ARHGAP35: variants seen among roughly 807,000 people sequenced by gnomAD.
ARHGAP35 encodes Rho GTPase activating protein 35.
Under a neutral mutation model 111.1 loss-of-function variants are expected in ARHGAP35, and 15 were observed. The observed-to-expected ratio is 0.13, with a 90% CI of 0.09 to 0.21. The LOEUF (loss-of-function observed/expected upper bound fraction) is 0.21, where lower values mean the gene tolerates loss of function less well. Ranked by LOEUF, ARHGAP35 falls within the 10% of genes least tolerant of loss-of-function variation. The pLI is 1.00. For missense variants in ARHGAP35, 1,262 were observed against 1,873.0 expected, an observed-to-expected ratio of 0.67 and a Z score of 6.02; for synonymous variants, 643 against 710.3, an observed-to-expected ratio of 0.91 and a Z score of 1.51.
chr19:46,977,033 G>A lies in ARHGAP35; in HGVS notation c.3827-10956G>A, dbSNP rs570791298. 5.9e-5 allele frequency among the ~76,000 whole-genome samples: 9 copies of A among 152,234 alleles called. No homozygotes were observed. In the South Asian group the frequency reaches 6.2e-4, roughly 11 times the overall value. The stretch of plus-strand genomic sequence containing the variant: ...CAGATGAACTAACCTCTTCTCCTCC[G>A]TGTTACACTCACTGTAAAAACATCT... On this transcript the variant is annotated intron_variant, in intron 3 of 6. Coordinates refer to ENST00000672722, the MANE Select transcript of ARHGAP35 (RefSeq NM_004491.5).
At chr19:46,870,019 T>C (rs1009504358) in intron 1 of ARHGAP35, among the ~76,000 whole-genome samples, 1 of 147,306 alleles carries the variant, frequency 6.8e-6, no homozygotes, top group African/African-American at 2.5e-5. Flanking sequence ...CCATCTCGAC[T>C]CACTGCAAGC....
chr19:46,989,472 G>A lies in ARHGAP35; in HGVS notation c.3905-72G>A, dbSNP rs909973490. 6.3e-7 allele frequency: 1 copy of A among 1,590,618 alleles called. No individual in the cohort carries two copies. Among genetic ancestry groups the A allele is most frequent in the African/African-American group, 1.3e-5 (1 of 74,112 alleles). On this transcript the variant is annotated intron_variant, in intron 4 of 6. Transcript: ENST00000672722. The surrounding 1 kb of genome is among the most constrained non-coding windows in gnomAD (Gnocchi z 5.3). Reference sequence around the variant, plus strand: ...CCTTGAGGTTTCTCTAGCCTCTCCTGAGCCCCGAGTTGTCCTGATGCTTCT... The same window carrying A: ...CCTTGAGGTTTCTCTAGCCTCTCCTAAGCCCCGAGTTGTCCTGATGCTTCT...
intron 2 of ARHGAP35, 94 bp from the exon 3 acceptor site, chr19:46,937,170 T>C: frequency 7.0e-7 from 1 of 1,429,494 alleles, no homozygotes; most frequent in Non-Finnish European, 9.6e-7. Flanking sequence ...GCAGTTTTTA[T>C]ACCACTGCTT....
At chr19:46,896,978 C>T (rs1341278948) in intron 1 of ARHGAP35, among the ~76,000 whole-genome samples, 1 of 152,136 alleles carries the variant, frequency 6.6e-6, no homozygotes, top group Non-Finnish European at 1.5e-5. Flanking sequence ...ACTGCAACCT[C>T]CGCCTCCCAG....
In ARHGAP35 at chr19:46,994,270, G is replaced by A. The variant is rs542652664; in HGVS notation, c.4036+4595G>A. On this transcript the variant is annotated intron_variant, in intron 5 of 6. Transcript: ENST00000672722. This position sits in a 1 kb window ranked among gnomAD's most constrained non-coding sequence, Gnocchi z 5.4. ...GGCCAGTGTAGACACCTGGCCGGGCGGGCTACCTATTGAAGCTGGGGGTCC... is the reference window on the plus strand; with the variant it reads ...GGCCAGTGTAGACACCTGGCCGGGCAGGCTACCTATTGAAGCTGGGGGTCC... Among the ~76,000 whole-genome samples the A allele has an allele frequency of 6.6e-5, 10 of 152,248 alleles. No individual in the cohort carries two copies. In the East Asian group the frequency reaches 1.5e-3, roughly 24 times the overall value.
At chr19:46,998,868 C>T (rs1599875706) in intron 5 of ARHGAP35, among the ~76,000 whole-genome samples, 1 of 152,260 alleles carries the variant, frequency 6.6e-6, no homozygotes, top group South Asian at 2.1e-4. Flanking sequence ...GTCTCATGAC[C>T]GACTGACTCC....
rs1331053960 is a variant in ARHGAP35, at chr19:47,001,718, A to C, written c.*1030A>C. 1 of 311,464 alleles carries C rather than the reference A, an allele frequency of 3.2e-6. No individual in the cohort carries two copies. The highest frequency in any genetic ancestry group is 6.3e-6 in the Non-Finnish European group (1 of 158,982). The allele number at this position is 311,464 out of a possible 1,614,324, so 19.3% of individuals were successfully genotyped here. A position where few individuals can be genotyped will look rare whatever the true frequency, so the allele number is the denominator to read the frequency against. On this transcript the variant is annotated 3_prime_UTR_variant, in exon 7 of 7. Coordinates refer to ENST00000672722, the MANE Select transcript of ARHGAP35 (RefSeq NM_004491.5). The surrounding 1 kb of genome is among the most constrained non-coding windows in gnomAD (Gnocchi z 5.4). ...TCCATTACGATAGAAACACTAATTGAGCATGTGCGTGGGGTGGGGGTGTGT... is the reference window on the plus strand; with the variant it reads ...TCCATTACGATAGAAACACTAATTGCGCATGTGCGTGGGGTGGGGGTGTGT...
chr19:46,994,853 C>T lies in ARHGAP35; in HGVS notation c.4037-4451C>T, dbSNP rs981029301. Reference sequence around the variant, plus strand: ...AAATGACCCAAGGAGGAGGGGCCTCCCAAATCCGAGAATGAAAGAATTCGC... The same window carrying T: ...AAATGACCCAAGGAGGAGGGGCCTCTCAAATCCGAGAATGAAAGAATTCGC... On this transcript the variant is annotated intron_variant, in intron 5 of 6. Transcript: ENST00000672722. The surrounding 1 kb of genome is among the most constrained non-coding windows in gnomAD (Gnocchi z 5.4). Among the ~76,000 whole-genome samples, 1 of 152,182 alleles carries T rather than the reference C, an allele frequency of 6.6e-6. No individual in the cohort carries two copies. Among genetic ancestry groups the T allele is most frequent in the Non-Finnish European group, 1.5e-5 (1 of 68,024 alleles).
chr19:46,942,856 A>G (rs1261202158), intron 3 of ARHGAP35, among the ~76,000 whole-genome samples: 1 of 151,048 alleles, frequency 6.6e-6, no homozygotes, highest in Non-Finnish European at 1.5e-5. Flanking sequence ...AAAAATTACC[A>G]TTAATTCAGT....
In ARHGAP35 at chr19:46,961,887, G is replaced by A. The variant is rs566438249; in HGVS notation, c.3826+24479G>A. On this transcript the variant is annotated intron_variant, in intron 3 of 6. Transcript: ENST00000672722. ...AGAAGTTGCAGTGAGCCGAGATTGC[G>A]CCACTGCCCTCCAGCCTGTGTGACA... Among the ~76,000 whole-genome samples, 249 of 152,144 alleles carry A rather than the reference G, an allele frequency of 1.6e-3. 1 individual carries two copies. The highest frequency in any genetic ancestry group is 5.3e-3 in the African/African-American group (219 of 41,500).
chr19:46,999,919 T>G lies in ARHGAP35; in HGVS notation c.4143-412T>G. The G allele has an allele frequency of 4.4e-6, 1 of 229,030 alleles. No individual in the cohort carries two copies. The allele number at this position is 229,030 out of a possible 1,614,324, so 14.2% of individuals were successfully genotyped here. A position where few individuals can be genotyped will look rare whatever the true frequency, so the allele number is the denominator to read the frequency against. ...GCACAGCCGCAGGCGGGAGGCCGTA[T>G]GGTTGTTCCCTGAAGTTCCATGTGT... is the stretch of plus-strand genomic sequence containing the variant. On this transcript the variant is annotated intron_variant, in intron 6 of 6. Coordinates refer to ENST00000672722, the MANE Select transcript of ARHGAP35 (RefSeq NM_004491.5). The surrounding 1 kb of genome is among the most constrained non-coding windows in gnomAD (Gnocchi z 5.4).
chr19:46,872,186 G>A (rs1362478471), intron 1 of ARHGAP35, among the ~76,000 whole-genome samples: 1 of 152,108 alleles, frequency 6.6e-6, no homozygotes, highest in Admixed American at 6.5e-5. Flanking sequence ...AATACTTGAC[G>A]TGGGAAAGTG....
chr19:46,881,381 G>C (rs928755360), intron 1 of ARHGAP35, among the ~76,000 whole-genome samples: 1 of 152,206 alleles, frequency 6.6e-6, no homozygotes, highest in Admixed American at 6.5e-5. Context: ...AATAACACTT[G>C]AAAGTCTGAA....
At chr19:46,867,661 T>C (rs944970930) in intron 1 of ARHGAP35, among the ~76,000 whole-genome samples, 3 of 152,208 alleles carry the variant, frequency 2.0e-5, no homozygotes, top group Non-Finnish European at 4.4e-5. Flanking sequence ...CCTCTTATAT[T>C]ATCTTTGATT....
intron 2 of ARHGAP35, among the ~76,000 whole-genome samples, chr19:46,924,156 A>G (rs2056225056): frequency 6.6e-6 from 1 of 152,212 alleles, no homozygotes; most frequent in Non-Finnish European, 1.5e-5. Flanking sequence ...GGACCTCTGG[A>G]AAGAAAGATT....
chr19:46,880,124 T>C (rs2055952801), intron 1 of ARHGAP35, among the ~76,000 whole-genome samples: 1 of 151,902 alleles, frequency 6.6e-6, no homozygotes, highest in Non-Finnish European at 1.5e-5. Context: ...AATAAATCAC[T>C]TTCTTTGCTC....
At chr19:46,923,165 C>T (rs952427035) in intron 2 of ARHGAP35, among the ~76,000 whole-genome samples, 2 of 142,870 alleles carry the variant, frequency 1.4e-5, no homozygotes, top group African/African-American at 5.3e-5. Context: ...AGTGCAGTGG[C>T]GCGATCTCCG....
chr19:46,960,986 C>T (rs557221654), intron 3 of ARHGAP35, among the ~76,000 whole-genome samples: 1 of 152,072 alleles, frequency 6.6e-6, no homozygotes, highest in Non-Finnish European at 1.5e-5. Context: ...CCTCCACCTC[C>T]CGAGTTCAAG....
chr19:46,935,576 G>A (rs2056303282), intron 2 of ARHGAP35, among the ~76,000 whole-genome samples: 1 of 152,202 alleles, frequency 6.6e-6, no homozygotes, highest in South Asian at 2.1e-4. Flanking sequence ...CGGCCTGGCG[G>A]TTCGTTGTTT....
Sources: allele counts gnomAD v4.1 joint callset (sites outside exome capture counted in the v4.1 genomes callset), GRCh38; gene constraint gnomAD v4.1.1; non-coding constraint Gnocchi (gnomAD v3.1); transcripts MANE v1.5; gene names NCBI Gene and HGNC (gene_info 2026-07-23, HGNC 2026-07-21).